ABCC4: variants seen among roughly 807,000 people sequenced by gnomAD.
The protein encoded by ABCC4 is ATP binding cassette subfamily C member 4 (PEL blood group).
A neutral mutation model predicts 168.5 loss-of-function variants in ABCC4; 102 were observed. That is an observed-to-expected ratio of 0.61 (90% confidence interval 0.52 to 0.71). The LOEUF is 0.71. Among genes scored for constraint, ABCC4 ranks in the 30% least tolerant of loss-of-function variants. ABCC4 has a pLI of 0.00. For missense variants in ABCC4, 1,402 were observed against 1,605.8 expected, an observed-to-expected ratio of 0.87 and a Z score of 2.17; for synonymous variants, 617 against 590.7, an observed-to-expected ratio of 1.04 and a Z score of -0.65.
At chr13:95,047,120 T>TG (rs1566369905) in intron 27 of ABCC4, among the ~76,000 whole-genome samples, 2 of 152,136 alleles carry the variant, frequency 1.3e-5, no homozygotes, top group Non-Finnish European at 2.9e-5. Context: ...TGGTGAATCT[T>TG]GGAGAAGGGT....
At chr13:95,136,119 A>C (rs1422782954) in intron 19 of ABCC4, among the ~76,000 whole-genome samples, 6 of 152,200 alleles carry the variant, frequency 3.9e-5, no homozygotes, top group Non-Finnish European at 8.8e-5. Flanking sequence ...ATTAATATTT[A>C]AGGGACAGCA....
chr13:95,223,651 G>A (rs890527779), intron 4 of ABCC4, among the ~76,000 whole-genome samples: 5 of 152,084 alleles, frequency 3.3e-5, no homozygotes, highest in African/African-American at 9.7e-5. Context: ...ACAGGCGTCC[G>A]CCACCACACC....
intron 1 of ABCC4, among the ~76,000 whole-genome samples, chr13:95,284,334 T>C (rs971170389): frequency 1.3e-5 from 2 of 152,132 alleles, no homozygotes; most frequent in Non-Finnish European, 2.9e-5. Context: ...ACTACAGGTG[T>C]GCACCACCAT....
At chr13:95,128,491 G>A (rs2035858167) in intron 19 of ABCC4, among the ~76,000 whole-genome samples, 1 of 152,138 alleles carries the variant, frequency 6.6e-6, no homozygotes, top group South Asian at 2.1e-4. Context: ...CTATGCACAG[G>A]GCGTCTGCAA....
At chr13:95,259,544 C>A (rs2040477243) in intron 1 of ABCC4, among the ~76,000 whole-genome samples, 1 of 152,158 alleles carries the variant, frequency 6.6e-6, no homozygotes, top group African/African-American at 2.4e-5. Context: ...CTCAAGAAGC[C>A]AACAGCATCC....
At chr13:95,122,716 C>T (rs546485089) in intron 19 of ABCC4, among the ~76,000 whole-genome samples, 2 of 152,316 alleles carry the variant, frequency 1.3e-5, no homozygotes. Flanking sequence ...CCTTTCTCCT[C>T]CATGAAACTC....
chr13:95,121,421 G>GTT (rs1359646289), intron 19 of ABCC4, among the ~76,000 whole-genome samples: 19 of 135,820 alleles, frequency 1.4e-4, no homozygotes, highest in African/African-American at 4.2e-4. Flanking sequence ...ACTTTATGGG[G>GTT]TTTTTTTTTG....
At chr13:95,230,533 TTGGGAGGCC>T (rs2039590245) in intron 4 of ABCC4, among the ~76,000 whole-genome samples, 1 of 152,186 alleles carries the variant, frequency 6.6e-6, no homozygotes, top group Admixed American at 6.5e-5. Context: ...TCCCAGCACT[TTGGGAGGCC>T]AAGGTGAGCA....
At chr13:95,066,501 G>C (rs1195420672) in intron 25 of ABCC4, among the ~76,000 whole-genome samples, 4 of 152,148 alleles carry the variant, frequency 2.6e-5, no homozygotes, top group Non-Finnish European at 1.5e-5. Context: ...AAATCCCCCA[G>C]AGAGTTAAGC....
intron 1 of ABCC4, among the ~76,000 whole-genome samples, chr13:95,259,169 C>T (rs1373387260): frequency 1.3e-5 from 2 of 152,216 alleles, no homozygotes; most frequent in South Asian, 4.1e-4. Context: ...GGTGGATCAC[C>T]TGAGGTCAGG....
chr13:95,130,605 G>A (rs564192222), intron 19 of ABCC4, among the ~76,000 whole-genome samples: 2 of 152,144 alleles, frequency 1.3e-5, no homozygotes, highest in African/African-American at 4.8e-5. Context: ...AGATTTATTC[G>A]CATTAAGTGC....
chr13:95,285,166 T>C (rs2041228809), intron 1 of ABCC4, among the ~76,000 whole-genome samples: 1 of 152,176 alleles, frequency 6.6e-6, no homozygotes, highest in East Asian at 1.9e-4. Context: ...GAGAATCACT[T>C]GAGCCCAGGA....
intron 20 of ABCC4, among the ~76,000 whole-genome samples, chr13:95,109,519 T>C (rs1368515054): frequency 3.3e-5 from 5 of 152,226 alleles, no homozygotes; most frequent in Non-Finnish European, 7.3e-5. Flanking sequence ...TTGTATGTCC[T>C]TTGTAGCCAC....
chr13:95,042,352 C>A (rs754178850), intron 29 of ABCC4, among the ~76,000 whole-genome samples: 5 of 152,206 alleles, frequency 3.3e-5, no homozygotes, highest in Non-Finnish European at 5.9e-5. Context: ...ATCTTCACTG[C>A]TCACACCATA....
chr13:95,179,929 T>C (rs1217468180), intron 11 of ABCC4, among the ~76,000 whole-genome samples: 1 of 152,330 alleles, frequency 6.6e-6, no homozygotes, highest in Middle Eastern at 3.4e-3. Flanking sequence ...AGTAAGGGTA[T>C]GAACTCTCTA....
intron 19 of ABCC4, among the ~76,000 whole-genome samples, chr13:95,150,372 T>C (rs1167127770): frequency 6.6e-6 from 1 of 152,200 alleles, no homozygotes; most frequent in Non-Finnish European, 1.5e-5. Flanking sequence ...TTTGCCTATG[T>C]GATATAATCT....
At chr13:95,213,530 G>A (rs1490624767) in intron 4 of ABCC4, among the ~76,000 whole-genome samples, 1 of 152,190 alleles carries the variant, frequency 6.6e-6, no homozygotes, top group Non-Finnish European at 1.5e-5. Flanking sequence ...ACTCCATGAG[G>A]CCTAGGAAAG....
chr13:95,138,787 T>C (rs749411083), intron 19 of ABCC4, among the ~76,000 whole-genome samples: 2 of 152,278 alleles, frequency 1.3e-5, no homozygotes, highest in Admixed American at 6.5e-5. Flanking sequence ...AGACAAAGCC[T>C]TCCTGCTCTA....
In ABCC4 at chr13:95,234,776, T is replaced by C. The variant is rs750534208; in HGVS notation, c.365A>G (p.Asn122Ser). The C allele has an allele frequency of 4.3e-6, 7 of 1,609,646 alleles. No individual in the cohort carries two copies. The African/African-American group carries it at 6.7e-5, about 15-fold the overall frequency. Reference protein sequence around the residue: ...FLGKIINYFENYDPMDSVALN... With the variant: ...FLGKIINYFESYDPMDSVALN... ...AGCCACAGAATCCATGGGATCATAA[T>C]TTTCAAAATAATTAATAATTTTTCC... Residue 122 changes from asparagine (N) to serine (S), a missense_variant, in exon 4 of 31, where the codon AAT (asparagine) becomes AGT (serine). Asn to Ser is a conservative substitution (Grantham distance 46, BLOSUM62 1). Around this residue, in one of 3 missense-constraint regions of ABCC4, gnomAD observed 317 missense variants for 345.5 expected, o/e 0.92. Coordinates refer to ENST00000645237, the MANE Select transcript of ABCC4 (RefSeq NM_005845.5).
Sources: allele counts gnomAD v4.1 joint callset (sites outside exome capture counted in the v4.1 genomes callset), GRCh38; gene constraint gnomAD v4.1.1; regional missense constraint gnomAD v4.1.1; transcripts MANE v1.5; gene names NCBI Gene and HGNC (gene_info 2026-07-23, HGNC 2026-07-21).